Variants in FOXP1 observed in about 807,000 individuals in gnomAD.
The protein encoded by FOXP1 is forkhead box P1, also known as forkhead box protein P1.
Under a neutral mutation model 98.2 loss-of-function variants are expected in FOXP1, and 15 were observed. The observed-to-expected ratio is 0.15, with a 90% CI of 0.10 to 0.24. The LOEUF (loss-of-function observed/expected upper bound fraction) is 0.24, where lower values mean the gene tolerates loss of function less well. FOXP1 is among the 10% of genes least tolerant of loss of function. The pLI, the probability that FOXP1 is intolerant of heterozygous loss-of-function variation, is 1.00. For synonymous variants in FOXP1, 371 were observed against 314.5 expected, an observed-to-expected ratio of 1.18 and a Z score of -1.90; for missense variants, 633 against 848.5, an observed-to-expected ratio of 0.75 and a Z score of 3.15.
intron 13 of FOXP1, among the ~76,000 whole-genome samples, chr3:70,994,829 A>T (rs895801304): frequency 7.9e-5 from 12 of 152,200 alleles, no homozygotes; most frequent in Non-Finnish European, 1.5e-4. Flanking sequence ...GAGGGGTTGT[A>T]GGGAGCCTGT....
intron 3 of FOXP1, among the ~76,000 whole-genome samples, chr3:71,379,418 A>G (rs1206051267): frequency 6.6e-6 from 1 of 152,186 alleles, no homozygotes; most frequent in Non-Finnish European, 1.5e-5. Flanking sequence ...AACACATGTT[A>G]AAGTCCATTT....
At chr3:71,360,143 A>C (rs2078454903) in intron 3 of FOXP1, among the ~76,000 whole-genome samples, 1 of 152,162 alleles carries the variant, frequency 6.6e-6, no homozygotes, top group Non-Finnish European at 1.5e-5. Context: ...GTGCTAATAC[A>C]TCCTGAGAAA....
chr3:71,187,193 T>C (rs1017751453), intron 6 of FOXP1, among the ~76,000 whole-genome samples: 3 of 152,376 alleles, frequency 2.0e-5, no homozygotes, highest in East Asian at 3.9e-4. Flanking sequence ...ATCTTGACAA[T>C]TACAATTGTG....
rs563564978 is a variant in FOXP1, at chr3:71,277,484, T to G, written c.-12+22336A>C. On this transcript the variant is annotated intron_variant, in intron 5 of 20. Coordinates refer to ENST00000649528, the MANE Select transcript of FOXP1 (RefSeq NM_001349338.3). ...TCGCTGGACAGTTTTAAAGACTTCC[T>G]GTTCCTTGCCTGTCCACTATCGACA... Among the ~76,000 whole-genome samples, 398 of 152,286 alleles carry G rather than the reference T, an allele frequency of 2.6e-3. 3 individuals are homozygous for G. The highest frequency in any genetic ancestry group is 9.2e-3 in the African/African-American group (381 of 41,566).
At chr3:70,989,599 G>A (rs1019643678) in intron 13 of FOXP1, among the ~76,000 whole-genome samples, 3 of 152,012 alleles carry the variant, frequency 2.0e-5, no homozygotes, top group Non-Finnish European at 4.4e-5. Flanking sequence ...TTTTTAAAAT[G>A]TAAGTATCCT....
At chr3:71,527,732 G>GA (rs774781626) in intron 2 of FOXP1, among the ~76,000 whole-genome samples, 3 of 152,086 alleles carry the variant, frequency 2.0e-5, no homozygotes, top group African/African-American at 4.8e-5. Flanking sequence ...AAAACAAAGA[G>GA]AAAAAAAATA....
chr3:71,151,740 A>C (rs2108069764), intron 6 of FOXP1, among the ~76,000 whole-genome samples: 1 of 150,664 alleles, frequency 6.6e-6, no homozygotes, highest in South Asian at 2.1e-4. Flanking sequence ...TGCCAATAGC[A>C]TTTGACATTT....
rs1423853574 is a variant in FOXP1, at chr3:71,359,238, A to T, written c.-161T>A. 6.6e-6 allele frequency: 1 copy of T among 152,224 alleles called. No homozygotes were observed. The highest frequency in any genetic ancestry group is 6.5e-5 in the Admixed American group (1 of 15,280). The allele number at this position is 152,224 out of a possible 1,614,324, so 9.4% of individuals were successfully genotyped here. A position where few individuals can be genotyped will look rare whatever the true frequency, so the allele number is the denominator to read the frequency against. ...AATGCCACAGGACTGCAACACACAG[A>T]GGGAAGCTGAAAGCAAAAAGAAAAG... On this transcript the variant is annotated 5_prime_UTR_variant, in exon 4 of 21. Coordinates refer to ENST00000649528, the MANE Select transcript of FOXP1 (RefSeq NM_001349338.3).
intron 7 of FOXP1, among the ~76,000 whole-genome samples, chr3:71,109,455 A>G (rs1035507606): frequency 5.3e-5 from 8 of 151,218 alleles, no homozygotes; most frequent in Non-Finnish European, 1.0e-4. Flanking sequence ...AGCTATCAGC[A>G]GATCAAATCC....
intron 14 of FOXP1, among the ~76,000 whole-genome samples, chr3:70,983,612 T>C (rs1204137651): frequency 6.6e-6 from 1 of 152,232 alleles, no homozygotes; most frequent in Non-Finnish European, 1.5e-5. Context: ...AAGAAGAATA[T>C]ACCACCTACA....
intron 11 of FOXP1, among the ~76,000 whole-genome samples, chr3:71,016,226 G>A (rs2044461153): frequency 6.6e-6 from 1 of 151,914 alleles, no homozygotes; most frequent in Non-Finnish European, 1.5e-5. Context: ...AGCTAATAAT[G>A]GCAAGAAGAT....
chr3:71,301,939 C>T (rs1374295060), intron 4 of FOXP1, among the ~76,000 whole-genome samples: 4 of 152,130 alleles, frequency 2.6e-5, no homozygotes, highest in Non-Finnish European at 5.9e-5. Flanking sequence ...GAAAGAATTA[C>T]AACAAAATTA....
chr3:71,561,445 T>C (rs1006759083), intron 2 of FOXP1, among the ~76,000 whole-genome samples: 19 of 148,622 alleles, frequency 1.3e-4, no homozygotes, highest in Middle Eastern at 3.3e-3. Flanking sequence ...GACCAGACTA[T>C]GGCCAAGGTC....
chr3:71,247,260 G>C (rs2067825727), intron 5 of FOXP1, among the ~76,000 whole-genome samples: 1 of 152,194 alleles, frequency 6.6e-6, no homozygotes, highest in South Asian at 2.1e-4. Flanking sequence ...GTTTGACTCT[G>C]GTGGCGTTTC....
At chr3:71,410,291 C>G (rs1361483944) in intron 3 of FOXP1, among the ~76,000 whole-genome samples, 1 of 152,182 alleles carries the variant, frequency 6.6e-6, no homozygotes, top group Non-Finnish European at 1.5e-5. Context: ...AATCAGAGAT[C>G]TTTTGATATT....
intron 6 of FOXP1, among the ~76,000 whole-genome samples, chr3:71,194,879 G>T (rs2063208994): frequency 6.6e-6 from 1 of 152,190 alleles, no homozygotes; most frequent in Non-Finnish European, 1.5e-5. Flanking sequence ...GAGGAAGAAA[G>T]ACAGTTTGTG....
chr3:71,021,756 G>C (rs549427495), intron 11 of FOXP1, among the ~76,000 whole-genome samples: 2 of 152,280 alleles, frequency 1.3e-5, no homozygotes, highest in African/African-American at 4.8e-5. Flanking sequence ...GCTTTTGATT[G>C]AATTTCCCTA....
chr3:71,514,342 AC>A (rs1404352954), intron 2 of FOXP1, among the ~76,000 whole-genome samples: 3 of 152,232 alleles, frequency 2.0e-5, no homozygotes, highest in African/African-American at 4.8e-5. Context: ...AATCAAAAGC[AC>A]AGCCCACTCT....
chr3:71,438,742 GA>G (rs766986643), intron 3 of FOXP1, among the ~76,000 whole-genome samples: 2,965 of 125,808 alleles, frequency 0.024, 82 homozygotes, highest in African/African-American at 0.072. Flanking sequence ...CTAATTTGGA[GA>G]AAAAAAAAAA....
Sources: allele counts gnomAD v4.1 joint callset (sites outside exome capture counted in the v4.1 genomes callset), GRCh38; gene constraint gnomAD v4.1.1; transcripts MANE v1.5; gene names NCBI Gene and HGNC (gene_info 2026-07-23, HGNC 2026-07-21).